KHDRBS1: variants seen among roughly 807,000 people sequenced by gnomAD.
The protein encoded by KHDRBS1 is KH domain-containing, RNA-binding, signal transduction-associated protein 1.
A neutral mutation model predicts 48.4 loss-of-function variants in KHDRBS1; 7 were observed. The observed-to-expected ratio is 0.14, with a 90% CI of 0.08 to 0.27. The LOEUF (loss-of-function observed/expected upper bound fraction) is 0.27, where lower values mean the gene tolerates loss of function less well. KHDRBS1 is among the 10% of genes least tolerant of loss of function. The pLI is 1.00. For synonymous variants in KHDRBS1, 241 were observed against 235.8 expected (o/e 1.02, Z -0.20); for missense variants, 458 against 601.2 (o/e 0.76, Z 2.49).
chr1:32,038,346 T>C (rs1639223597), intron 6 of KHDRBS1, among the ~76,000 whole-genome samples: 1 of 152,234 alleles, frequency 6.6e-6, no homozygotes, highest in Non-Finnish European at 1.5e-5. Flanking sequence ...CCCACACTTC[T>C]TCTGTGGCAT....
chr1:32,026,846 G>A (rs1569782036), intron 1 of KHDRBS1, among the ~76,000 whole-genome samples: 1 of 152,180 alleles, frequency 6.6e-6, no homozygotes, highest in East Asian at 1.9e-4. Context: ...CCAAGCTGGA[G>A]TGCAGTGGCG....
At position 32,018,913 on chromosome 1, in the gene KHDRBS1, A is replaced by T. The variant is rs150762456; in HGVS notation, c.382+4536A>T. 2.6e-5 allele frequency among the ~76,000 whole-genome samples: 4 copies of T among 152,144 alleles called. No homozygotes were observed. In the East Asian group the frequency reaches 7.8e-4, roughly 30 times the overall value. ...TGGTGAAACCCTGTCTCTACTAAAA[A>T]TACAAAAGATAGCTGGGTGTGGTGG... On this transcript the variant is annotated intron_variant, in intron 1 of 8. Coordinates refer to ENST00000327300, the MANE Select transcript of KHDRBS1 (RefSeq NM_006559.3).
intron 8 of KHDRBS1, among the ~76,000 whole-genome samples, chr1:32,041,658 C>T (rs1442363085): frequency 1.5e-5 from 2 of 131,972 alleles, no homozygotes; most frequent in African/African-American, 5.4e-5. Flanking sequence ...GGCACAATCT[C>T]AGCTCACTGC....
intron 4 of KHDRBS1, 80 bp downstream of exon 4, chr1:32,033,414 C>T (rs1639118205): frequency 1.3e-6 from 2 of 1,567,410 alleles, no homozygotes; most frequent in Non-Finnish European, 1.7e-6. Context: ...GGGTTCTTAA[C>T]TAAGGTCTCT....
rs760747849 is a variant in KHDRBS1, at chr1:32,014,039, C to T, written c.44C>T (p.Ser15Leu). The part of the protein sequence containing the change: ...DDPAARMSRS[S>L]GRSGSMDPSG... The stretch of plus-strand genomic sequence containing the variant: ...CCCGCCGCGCGCATGAGCCGGTCTT[C>T]GGGCCGTAGCGGCTCCATGGACCCC... Residue 15 changes from serine to leucine, a missense_variant, in exon 1 of 9, where the codon TCG becomes TTG. Physicochemically the swap from Ser to Leu is moderately radical, Grantham distance 145. Transcript: ENST00000327300. The T allele has an allele frequency of 2.6e-5, 39 of 1,520,752 alleles. No individual in the cohort carries two copies. The Admixed American group carries it at 6.2e-4, about 24-fold the overall frequency. The allele number at this position is 1,520,752 out of a possible 1,614,324, so 94.2% of individuals were successfully genotyped here.
chr1:32,025,700 CTGCCCCCTCCCTTCT>C (rs1470995523), intron 1 of KHDRBS1, among the ~76,000 whole-genome samples: 1 of 137,264 alleles, frequency 7.3e-6, no homozygotes, highest in Non-Finnish European at 1.6e-5. Context: ...GCCTCCCTTC[CTGCCCCCTCCCTTCT>C]TCCCTCCCTC....
chr1:32,034,996 A>AG (rs1422232784), intron 4 of KHDRBS1, among the ~76,000 whole-genome samples: 3 of 151,840 alleles, frequency 2.0e-5, no homozygotes, highest in Non-Finnish European at 4.4e-5. Flanking sequence ...AAAAAAAAAA[A>AG]GAATGTTCAA....
At chr1:32,060,602 T>G (rs1428232478) in exon 11 of KHDRBS1, 2 of 152,202 alleles carry the variant, frequency 1.3e-5, no homozygotes, top group Non-Finnish European at 2.9e-5. Context: ...CCTTGAACCC[T>G]TCCAGAGGGC....
At chr1:32,039,671 G>C in intron 8 of KHDRBS1, 98 bp downstream of exon 8, 1 of 754,446 alleles carries the variant, frequency 1.3e-6, no homozygotes, top group Non-Finnish European at 2.4e-6. Flanking sequence ...CACACCTACG[G>C]ATAAACCTTT....
intron 4 of KHDRBS1, among the ~76,000 whole-genome samples, chr1:32,036,211 G>C (rs866561599): frequency 8.9e-6 from 1 of 111,864 alleles, no homozygotes; most frequent in Non-Finnish European, 1.6e-5. Context: ...TCTCTCTTTC[G>C]CCCAGGCCGG....
chr1:32,057,234 A>G (rs1003109741), intron 10 of KHDRBS1, among the ~76,000 whole-genome samples: 3 of 152,120 alleles, frequency 2.0e-5, no homozygotes, highest in African/African-American at 7.2e-5. Flanking sequence ...AAGCTGGAGC[A>G]CTTATCAATA....
chr1:32,019,501 G>C (rs1161969387), intron 1 of KHDRBS1, among the ~76,000 whole-genome samples: 1 of 151,682 alleles, frequency 6.6e-6, no homozygotes, highest in Non-Finnish European at 1.5e-5. Flanking sequence ...AGTGAGCTGA[G>C]ATCTAGCCAA....
intron 1 of KHDRBS1, among the ~76,000 whole-genome samples, chr1:32,015,801 G>T (rs1638728072): frequency 6.6e-6 from 1 of 152,204 alleles, no homozygotes; most frequent in Non-Finnish European, 1.5e-5. Flanking sequence ...GAATTATCTT[G>T]CAAGGGGATT....
intron 1 of KHDRBS1, among the ~76,000 whole-genome samples, chr1:32,018,183 G>A (rs538926302): frequency 2.0e-5 from 3 of 152,156 alleles, no homozygotes; most frequent in Admixed American, 1.3e-4. Flanking sequence ...AATAAGGGCC[G>A]GGCCTGGTGG....
At chr1:32,040,347 CGGA>C (rs942705947) in intron 8 of KHDRBS1, among the ~76,000 whole-genome samples, 2 of 151,440 alleles carry the variant, frequency 1.3e-5, no homozygotes, top group African/African-American at 4.9e-5. Flanking sequence ...ACCTGGGAGG[CGGA>C]GGTTGCAACG....
chr1:32,050,055 C>T (rs758496956), intron 10 of KHDRBS1, among the ~76,000 whole-genome samples: 1 of 152,160 alleles, frequency 6.6e-6, no homozygotes, highest in Non-Finnish European at 1.5e-5. Context: ...GCTCCATATC[C>T]TCACCAACAT....
chr1:32,036,863 A>T, intron 4 of KHDRBS1, 47 bp from the exon 5 acceptor site: 1 of 1,556,234 alleles, frequency 6.4e-7, no homozygotes. Flanking sequence ...ATTTCTCAGT[A>T]GAAAGTGTAG....
intron 4 of KHDRBS1, among the ~76,000 whole-genome samples, chr1:32,035,184 C>T (rs1262443300): frequency 6.6e-6 from 1 of 152,034 alleles, no homozygotes; most frequent in Non-Finnish European, 1.5e-5. Context: ...TCATATTCCT[C>T]AGAAGGGTTA....
chr1:32,034,529 C>T (rs1325830665), intron 4 of KHDRBS1, among the ~76,000 whole-genome samples: 1 of 151,854 alleles, frequency 6.6e-6, no homozygotes, highest in Non-Finnish European at 1.5e-5. Flanking sequence ...CATTGGACTC[C>T]AGCCTGGGCA....
Sources: gnomAD v4.1 joint callset for allele counts (sites outside exome capture counted in the v4.1 genomes callset) on GRCh38, gnomAD v4.1.1 for gene constraint, MANE v1.5 for transcripts, NCBI Gene and HGNC (gene_info 2026-07-23, HGNC 2026-07-21) for gene names.